The following MACROD2 variants were observed in gnomAD, a reference collection of about 807,000 sequenced individuals.
MACROD2 encodes mono-ADP ribosylhydrolase 2.
In MACROD2, 36 loss-of-function variants were observed where a neutral mutation model predicts 70.4. The observed-to-expected ratio is 0.51, with a 90% CI of 0.39 to 0.68. The LOEUF is 0.68. MACROD2 is among the 30% of genes least tolerant of loss of function. MACROD2 has a pLI of 0.00. For synonymous variants in MACROD2, 172 were observed against 178.8 expected (o/e 0.96, Z 0.30); for missense variants, 496 against 538.4 (o/e 0.92, Z 0.78).
chr20:14,730,469 A>G (rs574970712), intron 5 of MACROD2, among the ~76,000 whole-genome samples: 1 of 152,274 alleles, frequency 6.6e-6, no homozygotes, highest in South Asian at 2.1e-4. Context: ...AAGATGGAAA[A>G]CATTAGAATA....
At chr20:14,172,828 G>A (rs1275483642) in intron 3 of MACROD2, among the ~76,000 whole-genome samples, 1 of 152,140 alleles carries the variant, frequency 6.6e-6, no homozygotes, top group Non-Finnish European at 1.5e-5. Context: ...CCTTTTAGCA[G>A]TGCTGGTTTG....
chr20:15,259,012 A>C (rs1210527534), intron 6 of MACROD2, among the ~76,000 whole-genome samples: 1 of 152,060 alleles, frequency 6.6e-6, no homozygotes, highest in Non-Finnish European at 1.5e-5. Flanking sequence ...TGTTGAATAA[A>C]AGTCTACAAA....
intron 5 of MACROD2, among the ~76,000 whole-genome samples, chr20:15,085,654 G>A (rs1000169788): frequency 6.6e-6 from 1 of 151,876 alleles, no homozygotes; most frequent in Admixed American, 6.6e-5. Flanking sequence ...TCTATTAAAA[G>A]GACTAGCATA....
Position 15,670,223 on chromosome 20 carries a change from T to C in MACROD2, c.645+170376T>C, listed in dbSNP as rs2049960829. On this transcript the variant is annotated intron_variant, in intron 8 of 17. Coordinates refer to ENST00000684519, the MANE Select transcript of MACROD2 (RefSeq NM_001351661.2). ...CAGTTAAATAGAGTTAAATGGCTAC[T>C]TTTCCCTCTCAGAGTTTTGGAATAC... Among the ~76,000 whole-genome samples the C allele has an allele frequency of 2.0e-5, 3 of 152,220 alleles. 1 individual carries two copies. In the South Asian group the frequency reaches 6.2e-4, roughly 32 times the overall value.
chr20:14,351,418 T>C (rs2083122192), intron 3 of MACROD2, among the ~76,000 whole-genome samples: 1 of 152,170 alleles, frequency 6.6e-6, no homozygotes, highest in Non-Finnish European at 1.5e-5. Context: ...GTCTTCAATT[T>C]CTTGCATCAG....
intron 5 of MACROD2, among the ~76,000 whole-genome samples, chr20:15,111,177 G>GTT (rs11482162): frequency 0.037 from 5,245 of 140,712 alleles, 342 homozygotes; most frequent in African/African-American, 0.12. Context: ...GTTTTTGTTT[G>GTT]TTTTTTTTTT....
intron 8 of MACROD2, among the ~76,000 whole-genome samples, chr20:15,781,258 A>C (rs553338778): frequency 3.5e-4 from 53 of 152,276 alleles, no homozygotes; most frequent in Non-Finnish European, 7.5e-4. Context: ...ACCTTTACAG[A>C]GTTACAGTCA....
At chr20:15,737,200 T>TTC (rs1350562643) in intron 8 of MACROD2, among the ~76,000 whole-genome samples, 1 of 152,190 alleles carries the variant, frequency 6.6e-6, no homozygotes, top group African/African-American at 2.4e-5. Context: ...ATAAAGTGTG[T>TTC]GCTTTTAGAT....
At chr20:14,190,950 G>A (rs11907796) in intron 3 of MACROD2, among the ~76,000 whole-genome samples, 26,830 of 151,106 alleles carry the variant, frequency 0.18, 2,548 homozygotes, top group South Asian at 0.24. Flanking sequence ...CTCATGATCC[G>A]CCCGCCTCGG....
chr20:15,676,913 G>A (rs1035919472), intron 8 of MACROD2, among the ~76,000 whole-genome samples: 8 of 152,112 alleles, frequency 5.3e-5, no homozygotes, highest in Non-Finnish European at 1.0e-4. Context: ...ACAACAACAC[G>A]TACTGAAGAA....
At chr20:14,708,370 T>C (rs1484002282) in intron 5 of MACROD2, among the ~76,000 whole-genome samples, 2 of 152,128 alleles carry the variant, frequency 1.3e-5, no homozygotes, top group Admixed American at 6.5e-5. Flanking sequence ...AAAGGCAATG[T>C]AAATGTAAGG....
At chr20:15,199,149 T>C (rs1453795214) in intron 5 of MACROD2, among the ~76,000 whole-genome samples, 2 of 151,816 alleles carry the variant, frequency 1.3e-5, no homozygotes, top group Non-Finnish European at 1.5e-5. Flanking sequence ...GGTGAGAGGA[T>C]TACTTGAGTC....
At chr20:15,810,278 G>C (rs533516865) in intron 8 of MACROD2, among the ~76,000 whole-genome samples, 1 of 151,440 alleles carries the variant, frequency 6.6e-6, no homozygotes, top group Non-Finnish European at 1.5e-5. Context: ...TGGACATTTG[G>C]GTTGGTTCCA....
intron 2 of MACROD2, among the ~76,000 whole-genome samples, chr20:14,032,334 G>T (rs2148632602): frequency 6.6e-6 from 1 of 152,174 alleles, no homozygotes; most frequent in Admixed American, 6.5e-5. Flanking sequence ...AAATGATGTT[G>T]GGTCTGAGGC....
chr20:15,704,413 C>T (rs1412847706), intron 8 of MACROD2, among the ~76,000 whole-genome samples: 2 of 151,974 alleles, frequency 1.3e-5, no homozygotes, highest in African/African-American at 4.8e-5. Flanking sequence ...CAAAAACCTG[C>T]ATAAGGCATT....
At chr20:14,153,940 C>G (rs2055058213) in intron 3 of MACROD2, among the ~76,000 whole-genome samples, 1 of 152,184 alleles carries the variant, frequency 6.6e-6, no homozygotes, top group Admixed American at 6.5e-5. Flanking sequence ...ATTCTAATTT[C>G]AACACCCTTT....
chr20:14,815,340 G>A (rs1385280958), intron 5 of MACROD2, among the ~76,000 whole-genome samples: 2 of 152,020 alleles, frequency 1.3e-5, no homozygotes, highest in East Asian at 3.9e-4. Context: ...TATCTTAAAA[G>A]TAGATGCATT....
chr20:15,600,516 A>G (rs1224723381), intron 8 of MACROD2, among the ~76,000 whole-genome samples: 2 of 152,132 alleles, frequency 1.3e-5, no homozygotes, highest in African/African-American at 2.4e-5. Flanking sequence ...TTCTTTCTCT[A>G]TCTCTTTTGA....
chr20:14,807,027 A>G lies in MACROD2; in HGVS notation c.418+122068A>G, dbSNP rs142028361. On this transcript the variant is annotated intron_variant, in intron 5 of 17. Coordinates refer to ENST00000684519, the MANE Select transcript of MACROD2 (RefSeq NM_001351661.2). Reference sequence around the variant, plus strand: ...CTGTAGGCACAGCTTTAGCAGACTTAAACGTTCCTTCCTGCCTGCTCTGAA... The same window carrying G: ...CTGTAGGCACAGCTTTAGCAGACTTGAACGTTCCTTCCTGCCTGCTCTGAA... Among the ~76,000 whole-genome samples the G allele has an allele frequency of 1.1e-3, 172 of 152,222 alleles. 1 individual carries two copies. The highest frequency in any genetic ancestry group is 3.8e-3 in the African/African-American group (157 of 41,558).
Sources: gnomAD v4.1 joint callset for allele counts (sites outside exome capture counted in the v4.1 genomes callset) on GRCh38, gnomAD v4.1.1 for gene constraint, MANE v1.5 for transcripts, NCBI Gene and HGNC (gene_info 2026-07-23, HGNC 2026-07-21) for gene names.